The following ATR variants were observed in gnomAD, a reference collection of about 807,000 sequenced individuals.
ATR encodes the protein ATR checkpoint kinase.
A neutral mutation model predicts 305.3 loss-of-function variants in ATR; 142 were observed. That is an observed-to-expected ratio of 0.47 (90% CI 0.41 to 0.53). The LOEUF is 0.53. Ranked by LOEUF, ATR falls within the 20% of genes least tolerant of loss-of-function variation. ATR has a pLI of 0.00. For synonymous variants in ATR, 1,050 were observed against 1,068.1 expected, an observed-to-expected ratio of 0.98 and a Z score of 0.33; for missense variants, 2,135 against 3,133.1, an observed-to-expected ratio of 0.68 and a Z score of 7.60.
intron 21 of ATR, among the ~76,000 whole-genome samples, chr3:142,533,435 T>A (rs1254377890): frequency 6.6e-6 from 1 of 152,210 alleles, no homozygotes; most frequent in East Asian, 1.9e-4. Flanking sequence ...TAGAATATTT[T>A]CATCCTCACA....
chr3:142,554,283 T>C (rs1438869259), intron 10 of ATR, among the ~76,000 whole-genome samples: 4 of 152,120 alleles, frequency 2.6e-5, no homozygotes, highest in African/African-American at 9.7e-5. Context: ...TGCAGTGGCA[T>C]GATCACGGCT....
chr3:142,536,466 C>G (rs954131150), intron 19 of ATR, among the ~76,000 whole-genome samples: 3 of 152,214 alleles, frequency 2.0e-5, no homozygotes, highest in South Asian at 4.1e-4. Flanking sequence ...CAGTCCCTTC[C>G]TCTTCAAGCT....
At position 142,519,728 on chromosome 3, in the gene ATR, T is replaced by G; in HGVS notation, c.4323A>C (p.Gln1441His). 6.2e-7 allele frequency: 1 copy of G among 1,614,178 alleles called. No individual in the cohort carries two copies. The highest frequency in any genetic ancestry group is 8.5e-7 in the Non-Finnish European group (1 of 1,180,004). Residue 1441 changes from glutamine (Q) to histidine (H), a missense_variant, in exon 24 of 47, where the codon CAA (glutamine) becomes CAC (histidine). Coordinates refer to ENST00000350721, the MANE Select transcript of ATR (RefSeq NM_001184.4). ...REMETNGPGH[Q>H]LWRRFPEHVR... ...CATGCTCAGGAAATCTCCTCCACAA[T>G]TGGTGACCTGGGCCGTTGGTCTCCA...
intron 13 of ATR, 40 bp downstream of exon 13, chr3:142,553,187 A>T: frequency 6.3e-7 from 1 of 1,593,172 alleles, no homozygotes; most frequent in Non-Finnish European, 8.6e-7. Flanking sequence ...CTTAAAAAGT[A>T]CTGCTGTTGC....
intron 24 of ATR, among the ~76,000 whole-genome samples, chr3:142,518,295 G>A (rs1230667406): frequency 6.6e-6 from 1 of 152,192 alleles, no homozygotes; most frequent in African/African-American, 2.4e-5. Context: ...AGCCCAGACA[G>A]GCAGATCACT....
intron 33 of ATR, 81 bp from the exon 34 acceptor site, chr3:142,496,601 A>C: frequency 6.8e-7 from 1 of 1,479,364 alleles, no homozygotes; most frequent in African/African-American, 1.4e-5. Context: ...ATTTAAATCT[A>C]GGTCATAAAC....
In ATR at chr3:142,562,737, A is replaced by C; in HGVS notation, c.665T>G (p.Phe222Cys). ...CCAAAGTAAGAGTTCTTGCCTTCTA[A>C]AAAACACAATTGCAATAATACGAGT... is the stretch of plus-strand genomic sequence containing the variant. ...VLTRIIAIVFFRRQELLLWQI... is the reference protein window; with the variant it reads ...VLTRIIAIVFCRRQELLLWQI... Residue 222 changes from phenylalanine to cysteine, a missense_variant, in exon 4 of 47, where the codon TTT (phenylalanine) becomes TGT (cysteine). By Grantham distance (205) the Phe-to-Cys change is radical. Coordinates refer to ENST00000350721, the MANE Select transcript of ATR (RefSeq NM_001184.4). 2 of 1,613,748 alleles carry C rather than the reference A, an allele frequency of 1.2e-6. No homozygotes were observed. Among genetic ancestry groups the C allele is most frequent in the African/African-American group, 1.3e-5 (1 of 75,032 alleles).
intron 28 of ATR, among the ~76,000 whole-genome samples, 175 bp downstream of exon 28, chr3:142,507,756 G>A (rs1207896711): frequency 6.6e-6 from 1 of 151,804 alleles, no homozygotes; most frequent in African/African-American, 2.4e-5. Context: ...CCTTCCTCAG[G>A]GTACATGTGT....
At chr3:142,471,157 GA>G (rs529340615) in intron 36 of ATR, among the ~76,000 whole-genome samples, 18 of 152,170 alleles carry the variant, frequency 1.2e-4, no homozygotes, top group South Asian at 1.0e-3. Context: ...CTGTCTTCAT[GA>G]ATTTGACCAT....
At chr3:142,481,619 T>A (rs374970678) in intron 36 of ATR, among the ~76,000 whole-genome samples, 9 of 152,280 alleles carry the variant, frequency 5.9e-5, no homozygotes, top group African/African-American at 2.2e-4. Context: ...GCCTCCCACA[T>A]AGCTGGGACC....
intron 25 of ATR, 133 bp downstream of exon 25, chr3:142,515,262 A>G: frequency 8.0e-7 from 1 of 1,254,124 alleles, no homozygotes; most frequent in Non-Finnish European, 1.1e-6. Context: ...ATTAGTTAAC[A>G]TTTTCTTCAA....
At chr3:142,470,297 C>A (rs950722246) in intron 36 of ATR, 114 bp from the exon 37 acceptor site, 7 of 895,690 alleles carry the variant, frequency 7.8e-6, no homozygotes, top group African/African-American at 1.7e-5. Flanking sequence ...ATTATGGTAT[C>A]AATATTTCTT....
chr3:142,461,915 T>C, intron 42 of ATR, 25 bp downstream of exon 42: 1 of 1,603,806 alleles, frequency 6.2e-7, no homozygotes, highest in Non-Finnish European at 8.5e-7. Context: ...CCACACTGTA[T>C]ATGTATAAGA....
At chr3:142,546,061 T>C (rs992173331) in intron 16 of ATR, among the ~76,000 whole-genome samples, 1 of 152,162 alleles carries the variant, frequency 6.6e-6, no homozygotes, top group Non-Finnish European at 1.5e-5. Flanking sequence ...CCTGGGACAC[T>C]GACCGGACTG....
chr3:142,465,463 C>T, intron 40 of ATR: 1 of 304,234 alleles, frequency 3.3e-6, no homozygotes. Flanking sequence ...ATAGCTATGA[C>T]ATAAAAAGAT....
chr3:142,458,831 A>G (rs1207156459), intron 44 of ATR, 127 bp downstream of exon 44: 4 of 1,148,086 alleles, frequency 3.5e-6, no homozygotes, highest in Non-Finnish European at 3.8e-6. Context: ...AAACTAGTCA[A>G]CAAATTCTCA....
intron 22 of ATR, among the ~76,000 whole-genome samples, chr3:142,523,683 A>T (rs74581709): frequency 0.018 from 2,724 of 152,296 alleles, 28 homozygotes; most frequent in South Asian, 0.041. Context: ...GAAACTAGTT[A>T]TCCATGGAAA....
At chr3:142,565,978 A>C in intron 3 of ATR, 143 bp downstream of exon 3, 1 of 1,006,558 alleles carries the variant, frequency 9.9e-7, no homozygotes, top group Non-Finnish European at 1.5e-6. Context: ...AAGGAAAAAT[A>C]ACCATTACCA....
intron 3 of ATR, among the ~76,000 whole-genome samples, chr3:142,564,333 T>C (rs760106213): frequency 3.3e-5 from 5 of 151,766 alleles, no homozygotes; most frequent in Non-Finnish European, 5.9e-5. Flanking sequence ...ACAGGCAAGG[T>C]CCTAGCTTTC....
Sources: gnomAD v4.1 joint callset for allele counts (sites outside exome capture counted in the v4.1 genomes callset) on GRCh38, gnomAD v4.1.1 for gene constraint, MANE v1.5 for transcripts, NCBI Gene and HGNC (gene_info 2026-07-23, HGNC 2026-07-21) for gene names.